The following SOS1 variants were observed in gnomAD, a reference collection of about 807,000 sequenced individuals.
SOS1 encodes the protein SOS Ras/Rac guanine nucleotide exchange factor 1, also known as son of sevenless homolog 1.
In SOS1, 25 loss-of-function variants were observed where a neutral mutation model predicts 157.6. That is an observed-to-expected ratio of 0.16 (90% confidence interval 0.12 to 0.22). The LOEUF is 0.22. Among genes scored for constraint, SOS1 ranks in the 10% least tolerant of loss-of-function variants. SOS1 has a pLI of 1.00. For synonymous variants in SOS1, 528 were observed against 534.0 expected (o/e 0.99, Z 0.16); for missense variants, 1,237 against 1,599.1 (o/e 0.77, Z 3.86).
chr2:39,023,975 G>T, intron 9 of SOS1, 35 bp downstream of exon 9: 1 of 1,496,992 alleles, frequency 6.7e-7, no homozygotes, highest in Non-Finnish European at 9.3e-7. Context: ...AATATTCAGG[G>T]AAAAAAGGAT....
rs1668503992 is a variant in SOS1, at chr2:38,984,732, AAAGT to A, written c.*1088_*1091del. ...ATAATTTAATATATGCCAGCCAAAC[AAAGT>A]ATTTGTATCTTTATTCAATTAAATT... On this transcript the variant is annotated 3_prime_UTR_variant, in exon 23 of 23. Coordinates refer to ENST00000402219, the MANE Select transcript of SOS1 (RefSeq NM_005633.4). 1 of 152,222 alleles carries A rather than the reference AAAGT, an allele frequency of 6.6e-6. No individual in the cohort carries two copies. 9.4% of individuals were successfully genotyped at this position (152,222 alleles called of 1,614,324 possible). A position where few individuals can be genotyped will look rare whatever the true frequency, so the allele number is the denominator to read the frequency against.
intron 1 of SOS1, among the ~76,000 whole-genome samples, chr2:39,110,039 CGTGTGT>C (rs779110307): frequency 3.1e-3 from 416 of 135,510 alleles, no homozygotes; most frequent in African/African-American, 3.8e-3. Context: ...TGTGTGTGTG[CGTGTGT>C]GTGTGTGTGT....
In SOS1 at chr2:39,114,465, AGCTAATTTT is replaced by A. The variant is rs569947385; in HGVS notation, c.87+5862_87+5870del. Among the ~76,000 whole-genome samples, 1,103 of 151,734 alleles carry A rather than the reference AGCTAATTTT, an allele frequency of 7.3e-3. 7 individuals are homozygous for A. The highest frequency in any genetic ancestry group is 0.014 in the Middle Eastern group (4 of 292). ...ATTACAGGCATGCGCCACCACGCCC[AGCTAATTTT>A]GTATTTTTAGTAGAGATGGGGTTTC... On this transcript the variant is annotated intron_variant, in intron 1 of 22. Transcript: ENST00000402219.
At chr2:39,051,433 G>C in intron 5 of SOS1, 146 bp from the exon 6 acceptor site, 1 of 689,948 alleles carries the variant, frequency 1.4e-6, no homozygotes, top group East Asian at 2.7e-5. Flanking sequence ...TATGAATAAA[G>C]GACAATTCAA....
chr2:39,005,210 C>G (rs973567034), intron 17 of SOS1, among the ~76,000 whole-genome samples: 1 of 152,094 alleles, frequency 6.6e-6, no homozygotes, highest in African/African-American at 2.4e-5. Flanking sequence ...TCTTTCTCTC[C>G]CAAAATATCT....
chr2:38,988,446 A>G (rs1020919382), intron 21 of SOS1, among the ~76,000 whole-genome samples: 1 of 152,162 alleles, frequency 6.6e-6, no homozygotes, highest in Non-Finnish European at 1.5e-5. Flanking sequence ...ATAAAAAAAG[A>G]TGTGAAAAAA....
intron 1 of SOS1, among the ~76,000 whole-genome samples, chr2:39,106,882 G>A (rs1423942113): frequency 6.6e-6 from 1 of 152,154 alleles, no homozygotes; most frequent in Non-Finnish European, 1.5e-5. Context: ...CCAGTTCATA[G>A]AGTAAAAATT....
chr2:39,051,275 T>G lies in SOS1; in HGVS notation c.733A>C (p.Ile245Leu). ...TGTATATCTACTATGCGACTAAATA[T>G]ATTTTCTACATCCTGTTTGGGGGAA... ...KLFSANDVEN[I>L]FSRIVDIHEL... The change falls in exon 6 of 23, where the codon ATA becomes CTA. Residue 245 changes from isoleucine (I) to leucine (L), a missense_variant. Ile to Leu is a conservative substitution (Grantham distance 5). This residue lies in a region of SOS1 where 108 missense variants were observed against 115.3 expected (regional missense o/e 0.94). Transcript: ENST00000402219. 6.2e-7 allele frequency: 1 copy of G among 1,611,318 alleles called. No homozygotes were observed. The highest frequency in any genetic ancestry group is 1.3e-5 in the African/African-American group (1 of 74,982).
chr2:39,058,533 C>A, intron 3 of SOS1, 140 bp downstream of exon 3: 3 of 845,416 alleles, frequency 3.5e-6, no homozygotes, highest in Non-Finnish European at 5.7e-6. Context: ...CTTCTCACCA[C>A]ATAAATCTCT....
chr2:39,057,618 A>G (rs1671256597), intron 3 of SOS1, among the ~76,000 whole-genome samples: 1 of 152,106 alleles, frequency 6.6e-6, no homozygotes, highest in African/African-American at 2.4e-5. Context: ...ATCATGATAA[A>G]GGTGTATTAA....
upstream of SOS1, among the ~76,000 whole-genome samples, chr2:39,123,494 A>G (rs1673968093): frequency 6.6e-6 from 1 of 151,858 alleles, no homozygotes; most frequent in Non-Finnish European, 1.5e-5. Context: ...AGTAGCTGGG[A>G]CTACAGGCGC....
intron 1 of SOS1, among the ~76,000 whole-genome samples, chr2:39,110,590 C>A (rs1673388915): frequency 6.6e-6 from 1 of 151,428 alleles, no homozygotes; most frequent in Non-Finnish European, 1.5e-5. Context: ...ACGGATAGTT[C>A]TGAAATAACT....
intron 3 of SOS1, among the ~76,000 whole-genome samples, chr2:39,058,087 A>G (rs972057837): frequency 1.3e-5 from 2 of 152,120 alleles, no homozygotes; most frequent in Admixed American, 6.5e-5. Flanking sequence ...TTTAATTATT[A>G]TAATACCTAT....
chr2:39,068,223 C>G (rs1399507490), intron 1 of SOS1, among the ~76,000 whole-genome samples: 2 of 152,112 alleles, frequency 1.3e-5, no homozygotes, highest in African/African-American at 4.8e-5. Flanking sequence ...TTTTTCCCAG[C>G]CACATGCTTA....
At chr2:39,047,018 TTGA>T (rs1294683042) in intron 6 of SOS1, among the ~76,000 whole-genome samples, 1 of 152,186 alleles carries the variant, frequency 6.6e-6, no homozygotes, top group Admixed American at 6.5e-5. Flanking sequence ...AGTCTGCAAT[TTGA>T]TGACTTTTAA....
At chr2:39,020,016 A>G (rs546723322) in intron 10 of SOS1, among the ~76,000 whole-genome samples, 2 of 151,784 alleles carry the variant, frequency 1.3e-5, no homozygotes, top group East Asian at 3.9e-4. Flanking sequence ...ATTACAACAT[A>G]TTCTATTCAT....
At chr2:39,109,702 A>G (rs1450700712) in intron 1 of SOS1, among the ~76,000 whole-genome samples, 1 of 152,178 alleles carries the variant, frequency 6.6e-6, no homozygotes, top group East Asian at 1.9e-4. Flanking sequence ...TCCTCATAAA[A>G]TCTATTTCCT....
chr2:39,069,441 A>G (rs562753613), intron 1 of SOS1, among the ~76,000 whole-genome samples: 1 of 152,308 alleles, frequency 6.6e-6, no homozygotes, highest in Admixed American at 6.5e-5. Flanking sequence ...ATATGTATAT[A>G]TACATACGTA....
rs727505379 is a variant in SOS1 at position 38,995,179 on chromosome 2, C to G, written c.3290G>C (p.Ser1097Thr). The change falls in exon 20 of 23, where the codon AGT becomes ACT. Residue 1097 changes from serine (S) to threonine (T), a missense_variant. By Grantham distance (58) the Ser-to-Thr change is moderately conservative. Coordinates refer to ENST00000402219, the MANE Select transcript of SOS1 (RefSeq NM_005633.4). ...AAATACACTGCAAACATCTGTGGTA[C>G]TGGAAGCACCAGAAGCAGGCGGAGG... ...LTPPPASGAS[S>T]TTDVCSVFDS... 8 of 1,613,868 alleles carry G rather than the reference C, an allele frequency of 5.0e-6. No individual in the cohort carries two copies. The highest frequency in any genetic ancestry group is 6.8e-6 in the Non-Finnish European group (8 of 1,179,918).
Sources: gnomAD v4.1 joint callset for allele counts (sites outside exome capture counted in the v4.1 genomes callset) on GRCh38, gnomAD v4.1.1 for gene constraint, gnomAD v4.1.1 regional missense constraint, MANE v1.5 for transcripts, NCBI Gene and HGNC (gene_info 2026-07-23, HGNC 2026-07-21) for gene names.